HNF4A: variants seen among roughly 807,000 people sequenced by gnomAD.
HNF4A encodes the protein hepatocyte nuclear factor 4-alpha.
In HNF4A, 15 loss-of-function variants were observed where a neutral mutation model predicts 52.4. That is an observed-to-expected ratio of 0.29 (90% CI 0.19 to 0.44). The LOEUF (loss-of-function observed/expected upper bound fraction) is 0.44, where lower values mean the gene tolerates loss of function less well. HNF4A is among the 20% of genes least tolerant of loss of function. The probability of loss-of-function intolerance (pLI) is 1.00; values close to 1 mark genes in which losing one functional copy is unlikely to be tolerated. For missense variants in HNF4A, 479 were observed against 647.2 expected (o/e 0.74, Z 2.82); for synonymous variants, 280 against 264.4 (o/e 1.06, Z -0.57).
Position 44,432,061 on chromosome 20 carries a change from T to A in HNF4A, c.*2396T>A, listed in dbSNP as rs2063884337. 6.6e-6 allele frequency: 1 copy of A among 152,154 alleles called. No individual in the cohort carries two copies. The highest frequency in any genetic ancestry group is 2.4e-5 in the African/African-American group (1 of 41,436). The allele number at this position is 152,154 out of a possible 1,614,324, so 9.4% of individuals were successfully genotyped here. ...CTGGAACCATTTCTGGGCATTGTGG[T>A]CATTCCCACTGTGTTCCTCCACCTC... On this transcript the variant is annotated 3_prime_UTR_variant, in exon 10 of 10. Coordinates refer to ENST00000316099, the MANE Select transcript of HNF4A (RefSeq NM_000457.6).
chr20:44,386,378 G>T (rs2063224490), intron 1 of HNF4A, among the ~76,000 whole-genome samples: 1 of 151,846 alleles, frequency 6.6e-6, no homozygotes, highest in Non-Finnish European at 1.5e-5. Context: ...TGTTTGGCAG[G>T]CTGGTCTCGA....
chr20:44,417,564 A>G (rs561622502), intron 5 of HNF4A, among the ~76,000 whole-genome samples: 8 of 152,258 alleles, frequency 5.3e-5, no homozygotes, highest in South Asian at 4.2e-4. Flanking sequence ...CTGCCAGACC[A>G]ATGATTTCCC....
chr20:44,358,648 C>A (rs1473314090), intron 1 of HNF4A, among the ~76,000 whole-genome samples: 1 of 151,890 alleles, frequency 6.6e-6, no homozygotes, highest in Non-Finnish European at 1.5e-5. Flanking sequence ...AAAAAACAAA[C>A]AAAAAATCTT....
At chr20:44,400,411 T>C (rs1030087582), upstream of HNF4A, among the ~76,000 whole-genome samples, 1 of 152,158 alleles carries the variant, frequency 6.6e-6, no homozygotes, top group Non-Finnish European at 1.5e-5. Flanking sequence ...TCTCATTTCC[T>C]TCTCAAACCA....
intron 1 of HNF4A, among the ~76,000 whole-genome samples, chr20:44,368,158 A>ATTT (rs1477714904): frequency 3.5e-3 from 46 of 13,214 alleles, no homozygotes; most frequent in Non-Finnish European, 5.2e-3. Context: ...ATATATATAT[A>ATTT]TATTTTTTTT....
At chr20:44,368,137 T>TATAC (rs1555807457) in intron 1 of HNF4A, among the ~76,000 whole-genome samples, 2 of 41,542 alleles carry the variant, frequency 4.8e-5, no homozygotes, top group East Asian at 5.5e-4. Context: ...TGTGTGTGTA[T>TATAC]ATACATATAT....
chr20:44,415,368 G>C (rs1413087334), intron 5 of HNF4A, among the ~76,000 whole-genome samples: 1 of 152,182 alleles, frequency 6.6e-6, no homozygotes, highest in Non-Finnish European at 1.5e-5. Flanking sequence ...CAATTGAACT[G>C]AGCATCATAT....
chr20:44,366,373 T>C (rs946381283), intron 1 of HNF4A, among the ~76,000 whole-genome samples: 5 of 152,130 alleles, frequency 3.3e-5, no homozygotes, highest in Admixed American at 6.5e-5. Flanking sequence ...GTAATCCTAG[T>C]ACTTTGGGAG....
chr20:44,395,286 C>T (rs2063343100), intron 1 of HNF4A, among the ~76,000 whole-genome samples: 1 of 152,242 alleles, frequency 6.6e-6, no homozygotes, highest in Non-Finnish European at 1.5e-5. Flanking sequence ...CCCTGACGGC[C>T]TCAGTGTTTC....
Position 44,382,245 on chromosome 20 carries a change from C to CTTTCT in HNF4A, c.50-23810_50-23809insCTTTT, listed in dbSNP as rs1555809398. On this transcript the variant is annotated intron_variant, in intron 1 of 9. Coordinates refer to the HNF4A transcript ENST00000316673. ...CATAGCTTTCTTTCTTTCTTTCTTT[C>CTTTCT]TTTTTTTTTTTTGAGACGAACTCTC... 6.1e-3 allele frequency among the ~76,000 whole-genome samples: 895 copies of CTTTCT among 145,852 alleles called. 12 individuals are homozygous for CTTTCT. The highest frequency in any genetic ancestry group is 0.021 in the African/African-American group (810 of 39,438).
chr20:44,362,617 A>G (rs988601965), intron 1 of HNF4A, among the ~76,000 whole-genome samples: 5 of 152,088 alleles, frequency 3.3e-5, no homozygotes, highest in African/African-American at 1.2e-4. Context: ...AAGCCTTGCA[A>G]TAACCCATCC....
chr20:44,424,264 A>C lies in HNF4A; in HGVS notation c.1129+10A>C. 6.2e-7 allele frequency: 1 copy of C among 1,613,740 alleles called. No individual in the cohort carries two copies. Among genetic ancestry groups the C allele is most frequent in the Non-Finnish European group, 8.5e-7 (1 of 1,179,920 alleles). ...GAGATGCTGCTGGGAGGTCCGTGCC[A>C]AGCCCAGGAGGGGCGGGGTTGGAGT... On this transcript the variant is annotated intron_variant, in intron 8 of 9. Coordinates refer to ENST00000316099, the MANE Select transcript of HNF4A (RefSeq NM_000457.6).
chr20:44,392,136 C>T (rs2063308772), intron 1 of HNF4A: 2 of 152,148 alleles, frequency 1.3e-5, no homozygotes, highest in African/African-American at 4.8e-5. Context: ...ATTTTGTCAA[C>T]GTCAAATTGC....
chr20:44,419,907 ACTCT>A (rs1290531986), intron 7 of HNF4A, 31 bp downstream of exon 7: 1 of 1,610,354 alleles, frequency 6.2e-7, no homozygotes, highest in Admixed American at 1.7e-5. Context: ...GCCATCCCTG[ACTCT>A]CTCTCCAGAA....
intron 1 of HNF4A, among the ~76,000 whole-genome samples, chr20:44,372,295 C>T (rs1039870592): frequency 2.0e-5 from 3 of 152,224 alleles, no homozygotes; most frequent in Non-Finnish European, 4.4e-5. Context: ...TAGCAGTGTA[C>T]GTGTGCTTGC....
chr20:44,425,127 G>A (rs905855722), intron 8 of HNF4A, among the ~76,000 whole-genome samples: 38 of 152,240 alleles, frequency 2.5e-4, no homozygotes, highest in African/African-American at 8.4e-4. Context: ...GATTACAGGC[G>A]CCCGCCACCA....
In HNF4A at chr20:44,388,372, AC is replaced by A. The variant is rs11484360; in HGVS notation, c.50-17678del. On this transcript the variant is annotated intron_variant, in intron 1 of 9. Coordinates refer to the HNF4A transcript ENST00000316673. ...ACAAAGCCTGGAACCTTCCTCAAAG[AC>A]CCCCCCCACCCCCGTACATTGGAAC... is the stretch of plus-strand genomic sequence containing the variant. Among the ~76,000 whole-genome samples, 7 of 89,586 alleles carry A rather than the reference AC, an allele frequency of 7.8e-5. 1 individual carries two copies. Among genetic ancestry groups the A allele is most frequent in the Non-Finnish European group, 1.1e-4 (6 of 53,538 alleles). 58.8% of individuals were successfully genotyped at this position (89,586 alleles called of 152,430 possible).
chr20:44,374,641 T>G (rs1177553519), intron 1 of HNF4A, among the ~76,000 whole-genome samples: 2 of 152,114 alleles, frequency 1.3e-5, no homozygotes, highest in African/African-American at 4.8e-5. Flanking sequence ...TTTTTGTATT[T>G]TTAGTAGAGA....
At chr20:44,401,183 AC>A, upstream of HNF4A, 3 of 1,462,562 alleles carry the variant, frequency 2.1e-6, no homozygotes, top group South Asian at 2.7e-5. Flanking sequence ...ATTAACCCCC[AC>A]CCCTCCCCGG....
Sources: gnomAD v4.1 joint callset for allele counts (sites outside exome capture counted in the v4.1 genomes callset) on GRCh38, gnomAD v4.1.1 for gene constraint, MANE v1.5 for transcripts, NCBI Gene and HGNC (gene_info 2026-07-23, HGNC 2026-07-21) for gene names.